Variants in DNAJC6 observed in about 807,000 individuals in gnomAD.
DNAJC6 encodes auxilin.
A neutral mutation model predicts 110.0 loss-of-function variants in DNAJC6; 34 were observed. The ratio of observed to expected loss-of-function variants is 0.31; its 90% CI spans 0.24 to 0.41. The LOEUF is 0.41. Among genes scored for constraint, DNAJC6 ranks in the 10% least tolerant of loss-of-function variants. The pLI is 1.00. For synonymous variants in DNAJC6, 406 were observed against 437.2 expected (o/e 0.93, Z 0.89); for missense variants, 1,031 against 1,207.8 (o/e 0.85, Z 2.17).
rs1312055301 is a variant in DNAJC6 at position 65,380,911 on chromosome 1, G to GTTTTTTTTTTTTTTTT, written c.666+1391_666+1392insTTTTTTTTTTTTTTTT. On this transcript the variant is annotated intron_variant, in intron 5 of 18. Coordinates refer to ENST00000371069, the MANE Select transcript of DNAJC6 (RefSeq NM_001256864.2). ...GGGAGTTTTTTTTTTTTTGTTTTTT[G>GTTTTTTTTTTTTTTTT]TTTTGTTTTGTTTTTTTTTTTTTTT... is the stretch of plus-strand genomic sequence containing the variant. 3.3e-4 allele frequency among the ~76,000 whole-genome samples: 38 copies of GTTTTTTTTTTTTTTTT among 114,888 alleles called. 4 individuals are homozygous for GTTTTTTTTTTTTTTTT. The highest frequency in any genetic ancestry group is 1.4e-3 in the African/African-American group (33 of 23,294). 75.4% of individuals were successfully genotyped at this position (114,888 alleles called of 152,430 possible).
chr1:65,308,583 G>A (rs891300722), upstream of DNAJC6, among the ~76,000 whole-genome samples: 14 of 152,148 alleles, frequency 9.2e-5, no homozygotes, highest in Non-Finnish European at 1.6e-4. Context: ...TACAAAATTA[G>A]GTACACAGCT....
At chr1:65,333,907 G>A (rs776815648) in intron 1 of DNAJC6, among the ~76,000 whole-genome samples, 21 of 152,186 alleles carry the variant, frequency 1.4e-4, no homozygotes, top group Non-Finnish European at 2.8e-4. Context: ...AAAGTAAAAA[G>A]GATAGATATG....
Position 65,384,247 on chromosome 1 carries a change from C to G in DNAJC6, c.721C>G (p.Leu241Val). The G allele has an allele frequency of 1.9e-6, 3 of 1,585,132 alleles. No individual in the cohort carries two copies. Among genetic ancestry groups the G allele is most frequent in the Non-Finnish European group, 2.6e-6 (3 of 1,168,062 alleles). Residue 241 changes from leucine (L) to valine (V), a missense_variant, in exon 6 of 19, where the codon CTC (leucine) becomes GTC (valine). Transcript: ENST00000371069. The stretch of plus-strand genomic sequence containing the variant: ...TGGTGCTATGTTCATTTTCTGTAAT[C>G]TCTACTCTACTCCTGGCCCAGCCAT... ...LVGAMFIFCN[L>V]YSTPGPAIRL...
intron 1 of DNAJC6, among the ~76,000 whole-genome samples, chr1:65,351,875 C>T (rs1422752875): frequency 1.3e-5 from 2 of 152,154 alleles, no homozygotes; most frequent in Admixed American, 6.5e-5. Flanking sequence ...AGCAATTCTC[C>T]TGCTTCAGCC....
intron 14 of DNAJC6, among the ~76,000 whole-genome samples, chr1:65,401,259 GTTGA>G (rs893209238): frequency 5.8e-4 from 89 of 152,208 alleles, no homozygotes; most frequent in African/African-American, 2.0e-3. Flanking sequence ...TTCTTATTCT[GTTGA>G]TTGTTACCTT....
chr1:65,265,741 G>A (rs1223180249), intron 1 of DNAJC6, among the ~76,000 whole-genome samples: 2 of 152,188 alleles, frequency 1.3e-5, no homozygotes, highest in Non-Finnish European at 2.9e-5. Flanking sequence ...GAGGCTACAC[G>A]TGTTCCCCGA....
chr1:65,266,126 C>G (rs936673652), intron 1 of DNAJC6, among the ~76,000 whole-genome samples: 1 of 152,232 alleles, frequency 6.6e-6, no homozygotes, highest in African/African-American at 2.4e-5. Context: ...GTGAGACGTG[C>G]AACAACGCAG....
chr1:65,331,097 G>C (rs3850826), intron 1 of DNAJC6, among the ~76,000 whole-genome samples: 111,738 of 151,946 alleles, frequency 0.74, 41,060 homozygotes, highest in East Asian at 0.83. Flanking sequence ...TCCATGCGAC[G>C]AGCTAAAAAT....
chr1:65,290,746 T>G (rs1644865878), intron 1 of DNAJC6, among the ~76,000 whole-genome samples: 1 of 152,196 alleles, frequency 6.6e-6, no homozygotes, highest in African/African-American at 2.4e-5. Flanking sequence ...AGAGTATTGT[T>G]GTAAGCATCA....
intron 1 of DNAJC6, among the ~76,000 whole-genome samples, chr1:65,303,705 C>T (rs1011073955): frequency 3.3e-5 from 5 of 152,088 alleles, no homozygotes; most frequent in Admixed American, 6.5e-5. Context: ...GCTACAGGCA[C>T]GTGGCACCAT....
intron 1 of DNAJC6, among the ~76,000 whole-genome samples, chr1:65,340,294 G>T (rs1485147284): frequency 6.6e-6 from 1 of 152,186 alleles, no homozygotes; most frequent in Non-Finnish European, 1.5e-5. Context: ...ATTGTATTTG[G>T]TGAGTCCAGG....
At position 65,364,768 on chromosome 1, in the gene DNAJC6, G is replaced by T; in HGVS notation, c.327G>T (p.Val109=). Residue 109 remains valine (V), a synonymous_variant, in exon 2 of 19, where the codon GTG becomes GTT. Coordinates refer to ENST00000371069, the MANE Select transcript of DNAJC6 (RefSeq NM_001256864.2). ...CCCTCAAAGACACATCTTCTAGAGTGATACAATCTGTGACCAGGTACGCAC... is the reference window on the plus strand; with the variant it reads ...CCCTCAAAGACACATCTTCTAGAGTTATACAATCTGTGACCAGGTACGCAC... ...KDTLKDTSSR[V]IQSVTSYTKG... is the part of the protein sequence containing the mutation. The T allele has an allele frequency of 6.2e-7, 1 of 1,612,940 alleles. No homozygotes were observed. Among genetic ancestry groups the T allele is most frequent in the Non-Finnish European group, 8.5e-7 (1 of 1,179,286 alleles).
At chr1:65,323,687 C>G (rs1019606686) in intron 1 of DNAJC6, among the ~76,000 whole-genome samples, 1 of 152,074 alleles carries the variant, frequency 6.6e-6, no homozygotes, top group Admixed American at 6.5e-5. Flanking sequence ...CCTTCACCTC[C>G]TGGGGTCAAG....
At chr1:65,400,570 A>G (rs1646021661) in intron 14 of DNAJC6, among the ~76,000 whole-genome samples, 1 of 152,224 alleles carries the variant, frequency 6.6e-6, no homozygotes, top group Non-Finnish European at 1.5e-5. Flanking sequence ...CATGTGAATG[A>G]GAACATGCAG....
intron 1 of DNAJC6, among the ~76,000 whole-genome samples, chr1:65,362,891 G>A (rs906228396): frequency 2.6e-4 from 40 of 152,200 alleles, no homozygotes; most frequent in African/African-American, 9.7e-4. Context: ...TAACAAACAG[G>A]TGTTTCTTAC....
At chr1:65,400,867 A>T (rs1646024279) in intron 14 of DNAJC6, among the ~76,000 whole-genome samples, 1 of 152,244 alleles carries the variant, frequency 6.6e-6, no homozygotes, top group South Asian at 2.1e-4. Flanking sequence ...TTGATAAATC[A>T]TATGGCAGTT....
chr1:65,352,667 C>T (rs535318763), intron 1 of DNAJC6, among the ~76,000 whole-genome samples: 2 of 152,192 alleles, frequency 1.3e-5, no homozygotes, highest in South Asian at 2.1e-4. Context: ...ATCTTGTAAA[C>T]GACAAACAAT....
At chr1:65,398,597 C>T (rs975303863) in intron 13 of DNAJC6, among the ~76,000 whole-genome samples, 7 of 152,160 alleles carry the variant, frequency 4.6e-5, no homozygotes, top group Non-Finnish European at 8.8e-5. Context: ...AATAATATGT[C>T]GTTTCTGTCA....
rs563761748 is a variant in DNAJC6, at chr1:65,413,004, A to C, written c.2892A>C (p.Gln964His). The change falls in exon 19 of 19, where the codon CAA becomes CAC. Residue 964 changes from glutamine to histidine, a missense_variant. By Grantham distance (24) the Gln-to-His change is conservative. Transcript: ENST00000371069. ...LNDAWSEFEN[Q>H]GQKPLY ...ATGCCTGGTCTGAATTTGAAAACCA[A>C]GGCCAAAAGCCCTTATATTAATTTA... 6.2e-7 allele frequency: 1 copy of C among 1,613,984 alleles called. No homozygotes were observed. Among genetic ancestry groups the C allele is most frequent in the Non-Finnish European group, 8.5e-7 (1 of 1,179,982 alleles).
Sources: allele counts gnomAD v4.1 joint callset (sites outside exome capture counted in the v4.1 genomes callset), GRCh38; gene constraint gnomAD v4.1.1; transcripts MANE v1.5; gene names NCBI Gene and HGNC (gene_info 2026-07-23, HGNC 2026-07-21).